Variants in RAD51B observed in about 807,000 individuals in gnomAD.
RAD51B encodes RAD51 paralog B, also known as DNA repair protein RAD51 homolog 2.
A neutral mutation model predicts 42.2 loss-of-function variants in RAD51B; 38 were observed. The observed-to-expected ratio is 0.90, with a 90% CI of 0.70 to 1.18. The LOEUF is 1.18. RAD51B is among the 50% of genes most tolerant of loss of function. The pLI is 0.00. For synonymous variants in RAD51B, 154 were observed against 145.2 expected (o/e 1.06, Z -0.43); for missense variants, 373 against 400.7 (o/e 0.93, Z 0.59).
chr14:68,142,990 GA>G (rs1292208256), intron 7 of RAD51B, among the ~76,000 whole-genome samples: 135 of 127,802 alleles, frequency 1.1e-3, no homozygotes, highest in African/African-American at 3.4e-3. Flanking sequence ...CTGTCTCAAG[GA>G]AAAAAAAAAG....
intron 7 of RAD51B, among the ~76,000 whole-genome samples, chr14:68,282,154 T>C (rs1049529296): frequency 3.9e-5 from 6 of 152,086 alleles, no homozygotes; most frequent in African/African-American, 1.4e-4. Context: ...ACTAATTTTT[T>C]GTAGTTTTAG....
chr14:67,836,628 T>C (rs2041251230), intron 4 of RAD51B, among the ~76,000 whole-genome samples: 2 of 152,038 alleles, frequency 1.3e-5, no homozygotes, highest in Non-Finnish European at 2.9e-5. Flanking sequence ...CATGCCTGGC[T>C]AATTTTTTGT....
chr14:67,969,014 CA>C (rs1306955145), intron 7 of RAD51B, among the ~76,000 whole-genome samples: 3 of 152,034 alleles, frequency 2.0e-5, no homozygotes, highest in African/African-American at 7.2e-5. Context: ...AAGGTGGTGG[CA>C]AGAGAAAAAA....
intron 8 of RAD51B, among the ~76,000 whole-genome samples, chr14:68,409,428 T>C (rs1383242955): frequency 6.6e-6 from 1 of 152,192 alleles, no homozygotes; most frequent in Non-Finnish European, 1.5e-5. Flanking sequence ...TTTTCCTGGA[T>C]ACTGAAAGCA....
chr14:67,845,778 T>C (rs1457614485), intron 4 of RAD51B, among the ~76,000 whole-genome samples: 1 of 152,224 alleles, frequency 6.6e-6, no homozygotes, highest in African/African-American at 2.4e-5. Context: ...GAGTTTCTGC[T>C]GAAAGGTTCA....
At chr14:67,895,448 C>G (rs769549199) in intron 7 of RAD51B, among the ~76,000 whole-genome samples, 6 of 152,176 alleles carry the variant, frequency 3.9e-5, no homozygotes, top group Non-Finnish European at 8.8e-5. Flanking sequence ...CTGCTTCTCT[C>G]TTTTCTGTAT....
At chr14:67,968,928 G>A (rs1219690882) in intron 7 of RAD51B, among the ~76,000 whole-genome samples, 2 of 152,132 alleles carry the variant, frequency 1.3e-5, no homozygotes, top group African/African-American at 4.8e-5. Flanking sequence ...AAGAAAAAGA[G>A]GTTTAATTGG....
Position 67,950,074 on chromosome 14 carries a change from G to A in RAD51B, c.756+62870G>A, listed in dbSNP as rs115764879. 6.9e-3 allele frequency among the ~76,000 whole-genome samples: 1,054 copies of A among 152,126 alleles called. 11 individuals are homozygous for A. The highest frequency in any genetic ancestry group is 0.024 in the African/African-American group (989 of 41,508). Reference sequence around the variant, plus strand: ...GGGGGCCCTAGGATTTTCAGAGAATGGCCAGTGAGTACTGGCTTCAACTTA... The same window carrying A: ...GGGGGCCCTAGGATTTTCAGAGAATAGCCAGTGAGTACTGGCTTCAACTTA... On this transcript the variant is annotated intron_variant, in intron 7 of 10. Coordinates refer to ENST00000471583, the MANE Select transcript of RAD51B (RefSeq NM_133510.4).
chr14:68,111,308 T>C (rs2077455827), intron 7 of RAD51B, among the ~76,000 whole-genome samples: 1 of 152,050 alleles, frequency 6.6e-6, no homozygotes, highest in Non-Finnish European at 1.5e-5. Context: ...TAAATGAAAT[T>C]AAATGAAAGA....
chr14:68,428,109 A>G (rs746935317), intron 9 of RAD51B, among the ~76,000 whole-genome samples: 10 of 152,184 alleles, frequency 6.6e-5, no homozygotes, highest in Non-Finnish European at 1.3e-4. Flanking sequence ...TGTCCTCTCA[A>G]TCTTGGACTT....
intron 7 of RAD51B, among the ~76,000 whole-genome samples, chr14:68,243,419 G>C (rs984712106): frequency 6.6e-6 from 1 of 152,118 alleles, no homozygotes; most frequent in Non-Finnish European, 1.5e-5. Flanking sequence ...AAGTCATCCA[G>C]CTTCTAAGAA....
At chr14:67,946,523 A>T (rs1033995955) in intron 7 of RAD51B, among the ~76,000 whole-genome samples, 1 of 152,122 alleles carries the variant, frequency 6.6e-6, no homozygotes, top group African/African-American at 2.4e-5. Context: ...ACTCGCCACC[A>T]TGCCCAGCTG....
At chr14:68,412,572 C>G (rs2084448663) in intron 9 of RAD51B, among the ~76,000 whole-genome samples, 1 of 152,186 alleles carries the variant, frequency 6.6e-6, no homozygotes, top group Non-Finnish European at 1.5e-5. Context: ...ATTTTCCAAA[C>G]CAGAGAATTC....
At position 68,193,464 on chromosome 14, in the gene RAD51B, A is replaced by G. The variant is rs2588808; in HGVS notation, c.757-98420A>G. 0.84 allele frequency among the ~76,000 whole-genome samples: 128,193 copies of G among 152,148 alleles called. 54,147 individuals are homozygous for G. The highest frequency in any genetic ancestry group is 0.98 in the East Asian group (5,078 of 5,192). On this transcript the variant is annotated intron_variant, in intron 7 of 10. Transcript: ENST00000471583. ...CTCCAGATAATTGGCTTGGCACAAA[A>G]TTGCATGCATCTCTTGTTTTCTCAT...
At chr14:67,938,512 G>A (rs1383118876) in intron 7 of RAD51B, among the ~76,000 whole-genome samples, 1 of 152,206 alleles carries the variant, frequency 6.6e-6, no homozygotes, top group East Asian at 1.9e-4. Context: ...AATTGAGGGC[G>A]TAGGCCTATC....
chr14:67,829,248 CTTTT>C (rs530340727), intron 3 of RAD51B, among the ~76,000 whole-genome samples: 1 of 144,874 alleles, frequency 6.9e-6, no homozygotes, highest in East Asian at 2.0e-4. Flanking sequence ...TTCTTTCTTT[CTTTT>C]TTTTTTTTGA....
rs140568847 is a variant in RAD51B, at chr14:68,423,050, C to CT, written c.957+11524dup. 7.1e-3 allele frequency among the ~76,000 whole-genome samples: 1,081 copies of CT among 152,304 alleles called. 7 individuals are homozygous for CT. The highest frequency in any genetic ancestry group is 0.025 in the African/African-American group (1,023 of 41,562). On this transcript the variant is annotated intron_variant, in intron 9 of 10. Transcript: ENST00000471583. ...TCAGACAAAGACTGTGTGTGCTTGACTGTTGGACATTCATTTTATTGTTAC... is the reference window on the plus strand; with the variant it reads ...TCAGACAAAGACTGTGTGTGCTTGACTTGTTGGACATTCATTTTATTGTTAC...
At chr14:68,678,029 C>T (rs777554550) in intron 11 of RAD51B, among the ~76,000 whole-genome samples, 1 of 152,228 alleles carries the variant, frequency 6.6e-6, no homozygotes, top group Non-Finnish European at 1.5e-5. Flanking sequence ...CATGCTTTAT[C>T]TCGTTAACCT....
chr14:68,421,791 C>T (rs572624612), intron 9 of RAD51B: 239 of 1,598,562 alleles, frequency 1.5e-4, no homozygotes, highest in Admixed American at 2.0e-4. Flanking sequence ...AATATTCGTG[C>T]CTTCTTTCAC....
Sources: allele counts gnomAD v4.1 joint callset (sites outside exome capture counted in the v4.1 genomes callset), GRCh38; gene constraint gnomAD v4.1.1; transcripts MANE v1.5; gene names NCBI Gene and HGNC (gene_info 2026-07-23, HGNC 2026-07-21).